The following SPEF2 variants were observed in gnomAD, a reference collection of about 807,000 sequenced individuals.
SPEF2 encodes sperm flagellar and cilia associated 2.
SPEF2 carries 187 observed loss-of-function variants against 224.6 expected under a neutral mutation model. The observed-to-expected ratio is 0.83, with a 90% CI of 0.74 to 0.94. The LOEUF (loss-of-function observed/expected upper bound fraction) is 0.94. SPEF2 is among the 40% of genes least tolerant of loss of function. The pLI is 0.00. For synonymous variants in SPEF2, 715 were observed against 707.3 expected (o/e 1.01, Z -0.17); for missense variants, 2,170 against 2,135.6 (o/e 1.02, Z -0.32).
At chr5:35,779,521 A>C (rs1159419019) in intron 30 of SPEF2, among the ~76,000 whole-genome samples, 175 bp downstream of exon 30, 1 of 152,192 alleles carries the variant, frequency 6.6e-6, no homozygotes, top group Admixed American at 6.5e-5. Context: ...CCCTAATTAA[A>C]CAAGCAGGAC....
intron 2 of SPEF2, among the ~76,000 whole-genome samples, chr5:35,640,794 A>G (rs1226141762): frequency 6.6e-6 from 1 of 152,182 alleles, no homozygotes; most frequent in Non-Finnish European, 1.5e-5. Context: ...GTTACACCAC[A>G]TGATCAGAAC....
At chr5:35,651,439 C>T (rs1748175756) in intron 6 of SPEF2, among the ~76,000 whole-genome samples, 1 of 152,174 alleles carries the variant, frequency 6.6e-6, no homozygotes, top group Non-Finnish European at 1.5e-5. Context: ...GGCCAGTTAC[C>T]TGTGGCTGTG....
intron 5 of SPEF2, among the ~76,000 whole-genome samples, chr5:35,648,889 C>G (rs1470089300): frequency 1.3e-5 from 2 of 151,978 alleles, no homozygotes; most frequent in Admixed American, 6.6e-5. Context: ...TGGCGCATGC[C>G]TGTGATCCCA....
intron 30 of SPEF2, among the ~76,000 whole-genome samples, chr5:35,786,669 AC>A (rs1486963273): frequency 2.1e-4 from 32 of 152,304 alleles, no homozygotes; most frequent in African/African-American, 7.5e-4. Flanking sequence ...TCAAAAAAAA[AC>A]AAAAAAAGCA....
intron 12 of SPEF2, among the ~76,000 whole-genome samples, chr5:35,693,924 G>T (rs184470524): frequency 1.1e-4 from 16 of 152,036 alleles, no homozygotes; most frequent in Admixed American, 9.2e-4. Flanking sequence ...TTACCTTATG[G>T]CTGTGACTGA....
intron 36 of SPEF2, among the ~76,000 whole-genome samples, chr5:35,813,040 G>C (rs1561401098): frequency 6.6e-6 from 1 of 152,298 alleles, no homozygotes; most frequent in South Asian, 2.1e-4. Flanking sequence ...ATTTAGCTAA[G>C]ACTGGTTTAA....
intron 30 of SPEF2, chr5:35,790,377 G>A: frequency 2.0e-6 from 1 of 503,140 alleles, no homozygotes; most frequent in Admixed American, 3.7e-5. Flanking sequence ...TTAGCAATAT[G>A]CAAATGTTGA....
intron 34 of SPEF2, among the ~76,000 whole-genome samples, chr5:35,805,970 A>G (rs1202897397): frequency 6.6e-6 from 1 of 152,044 alleles, no homozygotes; most frequent in Admixed American, 6.5e-5. Flanking sequence ...TAGGTTTTCT[A>G]TTTTTGCTGT....
chr5:35,757,510 T>C (rs1750630461), intron 24 of SPEF2, among the ~76,000 whole-genome samples: 1 of 152,170 alleles, frequency 6.6e-6, no homozygotes, highest in Non-Finnish European at 1.5e-5. Context: ...CTTATTTTAA[T>C]TCTCCAAAGT....
At chr5:35,790,085 T>C (rs1755742788) in intron 30 of SPEF2, 1 of 702,886 alleles carries the variant, frequency 1.4e-6, no homozygotes, top group Non-Finnish European at 2.6e-6. Flanking sequence ...TACACAAGTA[T>C]CCAAATATCC....
chr5:35,744,638 T>C (rs923660242), intron 23 of SPEF2, among the ~76,000 whole-genome samples: 2 of 152,056 alleles, frequency 1.3e-5, no homozygotes, highest in Non-Finnish European at 2.9e-5. Context: ...TCCTCTCCTT[T>C]CTTTAAAAAA....
intron 7 of SPEF2, among the ~76,000 whole-genome samples, chr5:35,655,270 C>T (rs1748814544): frequency 6.6e-6 from 1 of 152,166 alleles, no homozygotes; most frequent in Non-Finnish European, 1.5e-5. Flanking sequence ...CCCAGTGATC[C>T]GTGCTAACAG....
chr5:35,669,358 T>C (rs934261122), intron 9 of SPEF2, among the ~76,000 whole-genome samples: 13 of 152,140 alleles, frequency 8.5e-5, no homozygotes, highest in African/African-American at 3.1e-4. Context: ...TCTGTCCTTG[T>C]TGTCTCCTAA....
At position 35,644,457 on chromosome 5, in the gene SPEF2, T is replaced by C; in HGVS notation, c.517T>C (p.Leu173=). The change falls in exon 4 of 37, where the codon TTG becomes CTG. Residue 173 remains leucine, a synonymous_variant. Transcript: ENST00000356031. Reference sequence around the variant, plus strand: ...ACACGTGAAAGAAGATCTTGCCCATTTGCATTTTGAGAAACTTGAAAGATT... The same window carrying C: ...ACACGTGAAAGAAGATCTTGCCCATCTGCATTTTGAGAAACTTGAAAGATT... ...YKHVKEDLAH[L]HFEKLERFQK... 6.2e-7 allele frequency: 1 copy of C among 1,611,060 alleles called. No homozygotes were observed. Among genetic ancestry groups the C allele is most frequent in the Non-Finnish European group, 8.5e-7 (1 of 1,178,992 alleles).
chr5:35,629,840 G>A (rs1363656754), intron 2 of SPEF2, among the ~76,000 whole-genome samples: 1 of 152,112 alleles, frequency 6.6e-6, no homozygotes, highest in Non-Finnish European at 1.5e-5. Flanking sequence ...GATAATGTTT[G>A]CAAGGTTCAC....
chr5:35,787,503 G>A (rs1039889720), intron 30 of SPEF2, among the ~76,000 whole-genome samples: 1 of 152,114 alleles, frequency 6.6e-6, no homozygotes, highest in African/African-American at 2.4e-5. Flanking sequence ...TACAAGACGC[G>A]TGTAAGAGGG....
intron 4 of SPEF2, 136 bp downstream of exon 4, chr5:35,644,661 ACTC>A: frequency 1.8e-6 from 1 of 550,422 alleles, no homozygotes; most frequent in Non-Finnish European, 2.9e-6. Context: ...GTCCTGCCCT[ACTC>A]TCACCCTTTC....
At chr5:35,656,646 T>G (rs1386459448) in intron 7 of SPEF2, among the ~76,000 whole-genome samples, 1 of 152,234 alleles carries the variant, frequency 6.6e-6, no homozygotes, top group African/African-American at 2.4e-5. Flanking sequence ...AATCTAGGTC[T>G]GGCGTTTGCC....
chr5:35,671,115 G>T (rs1751169903), intron 10 of SPEF2: 1 of 985,200 alleles, frequency 1.0e-6, no homozygotes, highest in Non-Finnish European at 1.2e-6. Flanking sequence ...AGTCCCGGAA[G>T]GTCAGTAAGT....
Sources: gnomAD v4.1 joint callset for allele counts (sites outside exome capture counted in the v4.1 genomes callset) on GRCh38, gnomAD v4.1.1 for gene constraint, MANE v1.5 for transcripts, NCBI Gene and HGNC (gene_info 2026-07-23, HGNC 2026-07-21) for gene names.